Variants in SLCO2A1 observed in about 807,000 individuals in gnomAD.
SLCO2A1 encodes matrin F/G 1.
In SLCO2A1, 60 loss-of-function variants were observed where a neutral mutation model predicts 71.7. The ratio of observed to expected loss-of-function variants is 0.84; its 90% CI spans 0.68 to 1.04. SLCO2A1 has a LOEUF of 1.04. Ranked by LOEUF, SLCO2A1 falls within the 50% of genes least tolerant of loss-of-function variation. The probability of loss-of-function intolerance (pLI) is 0.00; values close to 1 mark genes in which losing one functional copy is unlikely to be tolerated. For synonymous variants in SLCO2A1, 308 were observed against 326.7 expected, an observed-to-expected ratio of 0.94 and a Z score of 0.62; for missense variants, 745 against 813.4, an observed-to-expected ratio of 0.92 and a Z score of 1.02.
Position 133,955,126 on chromosome 3 carries a change from G to T in SLCO2A1, c.465C>A (p.Cys155Ter). Residue 155 changes from cysteine (C) to a stop codon, truncating the protein, a stop_gained, in exon 4 of 14, where the codon TGC becomes TGA. Transcript: ENST00000310926. LOFTEE classifies it high-confidence loss of function. ...TCTGGGGGTTCTGGGTGGTGCTGTGGCACTTACTGGGAGGCAGGTCCTGCC... is the reference window on the plus strand; with the variant it reads ...TCTGGGGGTTCTGGGTGGTGCTGTGTCACTTACTGGGAGGCAGGTCCTGCC... ...KHWQDLPPSK[C>*]HSTTQNPQKE... 1 of 1,614,176 alleles carries T rather than the reference G, an allele frequency of 6.2e-7. No homozygotes were observed. The highest frequency in any genetic ancestry group is 8.5e-7 in the Non-Finnish European group (1 of 1,180,032).
intron 3 of SLCO2A1, among the ~76,000 whole-genome samples, chr3:133,960,287 A>T (rs1934006516): frequency 6.6e-6 from 1 of 152,218 alleles, no homozygotes; most frequent in Non-Finnish European, 1.5e-5. Flanking sequence ...CCTGATAGCC[A>T]AAAGTTAGAA....
At chr3:133,952,884 C>T (rs985695114) in intron 5 of SLCO2A1, among the ~76,000 whole-genome samples, 1 of 152,130 alleles carries the variant, frequency 6.6e-6, no homozygotes, top group African/African-American at 2.4e-5. Context: ...GCAGTCCCGT[C>T]CCAGCGCCCA....
At chr3:133,941,423 T>C (rs896817669) in intron 11 of SLCO2A1, among the ~76,000 whole-genome samples, 1 of 152,130 alleles carries the variant, frequency 6.6e-6, no homozygotes, top group Non-Finnish European at 1.5e-5. Context: ...TGAGGCTCAA[T>C]GAGGTTAGGC....
chr3:133,971,774 A>G (rs1313084736), intron 3 of SLCO2A1, among the ~76,000 whole-genome samples: 2 of 152,228 alleles, frequency 1.3e-5, no homozygotes, highest in African/African-American at 4.8e-5. Context: ...ACAAATGTCT[A>G]TCACAAAACC....
chr3:133,973,777 C>T lies in SLCO2A1; in HGVS notation c.283G>A (p.Val95Met), dbSNP rs147868807. 19 of 1,613,852 alleles carry T rather than the reference C, an allele frequency of 1.2e-5. No homozygotes were observed. Among genetic ancestry groups the T allele is most frequent in the South Asian group, 4.4e-5 (4 of 91,006 alleles). Residue 95 changes from valine to methionine, a missense_variant, in exon 3 of 14, where the codon GTG becomes ATG. Val to Met is a conservative substitution (Grantham distance 21). Coordinates refer to ENST00000310926, the MANE Select transcript of SLCO2A1 (RefSeq NM_005630.3). ...ATGCCAATCAGACGTGGACGGTGCA[C>T]CCGGCTGCCAAAGTAGCTGACAAAG... ...IIFVSYFGSR[V>M]HRPRLIGIGG...
At chr3:133,985,000 G>T (rs1576447143) in intron 1 of SLCO2A1, among the ~76,000 whole-genome samples, 1 of 152,160 alleles carries the variant, frequency 6.6e-6, no homozygotes, top group East Asian at 1.9e-4. Flanking sequence ...CCCACACCTT[G>T]CCTGGTGAGT....
At chr3:133,962,282 G>A (rs1184046334) in intron 3 of SLCO2A1, among the ~76,000 whole-genome samples, 1 of 152,078 alleles carries the variant, frequency 6.6e-6, no homozygotes. Flanking sequence ...GTTTCACCAT[G>A]TTGGCCAGGC....
intron 3 of SLCO2A1, among the ~76,000 whole-genome samples, chr3:133,956,429 G>C (rs900169229): frequency 2.0e-5 from 3 of 152,190 alleles, no homozygotes; most frequent in African/African-American, 7.2e-5. Context: ...TGTCTATGCA[G>C]GACACATTAG....
chr3:134,024,652 G>A (rs1935661145), intron 1 of SLCO2A1, among the ~76,000 whole-genome samples: 1 of 152,164 alleles, frequency 6.6e-6, no homozygotes, highest in Admixed American at 6.5e-5. Context: ...CCAGGTTTAA[G>A]GGCCCTAGCA....
rs541536017 is a variant in SLCO2A1 at position 134,025,095 on chromosome 3, G to A, written c.96+4612C>T. On this transcript the variant is annotated intron_variant, in intron 1 of 13. Transcript: ENST00000310926. ...CCCGGAAGCTGACTGGTCCATGCAC[G>A]GCCGAAGCATGAGAAAACTCATTGC... Among the ~76,000 whole-genome samples, 8 of 152,206 alleles carry A rather than the reference G, an allele frequency of 5.3e-5. No individual in the cohort carries two copies. The South Asian group carries it at 1.2e-3, about 24-fold the overall frequency.
At chr3:133,961,192 T>C (rs919814302) in intron 3 of SLCO2A1, among the ~76,000 whole-genome samples, 1 of 151,912 alleles carries the variant, frequency 6.6e-6, no homozygotes, top group Non-Finnish European at 1.5e-5. Flanking sequence ...GGAGGGGAGT[T>C]GATTCCATCA....
At chr3:133,965,128 G>GA (rs966609829) in intron 3 of SLCO2A1, among the ~76,000 whole-genome samples, 114 of 150,846 alleles carry the variant, frequency 7.6e-4, no homozygotes, top group African/African-American at 2.3e-3. Context: ...TTTAAAGGGG[G>GA]AAAAAAAAAC....
chr3:133,936,343 A>G (rs1559926805), intron 12 of SLCO2A1, among the ~76,000 whole-genome samples: 1 of 152,184 alleles, frequency 6.6e-6, no homozygotes, highest in Non-Finnish European at 1.5e-5. Flanking sequence ...CACAGCCAAG[A>G]GAAGTCAAGG....
chr3:133,948,462 T>C, intron 8 of SLCO2A1, 74 bp downstream of exon 8: 1 of 1,508,052 alleles, frequency 6.6e-7, no homozygotes, highest in Non-Finnish European at 9.0e-7. Context: ...CGCCCATCCC[T>C]GGATGGGTGG....
chr3:133,965,612 G>A (rs1934145815), intron 3 of SLCO2A1, among the ~76,000 whole-genome samples: 1 of 152,190 alleles, frequency 6.6e-6, no homozygotes, highest in South Asian at 2.1e-4. Flanking sequence ...TAGCTTCAAG[G>A]AATTCAGCTA....
chr3:134,014,931 A>G (rs1447470756), intron 1 of SLCO2A1, among the ~76,000 whole-genome samples: 1 of 152,110 alleles, frequency 6.6e-6, no homozygotes, highest in Non-Finnish European at 1.5e-5. Context: ...ACTTCAAGGG[A>G]AAAAACATAC....
chr3:133,989,395 G>C (rs915995739), intron 1 of SLCO2A1, among the ~76,000 whole-genome samples: 1 of 152,118 alleles, frequency 6.6e-6, no homozygotes, highest in South Asian at 2.1e-4. Flanking sequence ...TCATAGTCAA[G>C]ACCCTCCAGT....
Position 133,955,054 on chromosome 3 carries a change from C to T in SLCO2A1, c.537G>A (p.Leu179=), listed in dbSNP as rs368855180. 48 of 1,614,076 alleles carry T rather than the reference C, an allele frequency of 3.0e-5. No individual in the cohort carries two copies. The highest frequency in any genetic ancestry group is 1.6e-4 in the Middle Eastern group (1 of 6,084). ...GAATAGGCACTGTCCCGATGCCAGC[C>T]AGCAGCTGGGCAACCACCATCAGGC... The part of the protein sequence containing the change: ...MWGLMVVAQL[L]AGIGTVPIQP... Residue 179 remains leucine (L), a synonymous_variant, in exon 4 of 14, where the codon CTG becomes CTA. Coordinates refer to ENST00000310926, the MANE Select transcript of SLCO2A1 (RefSeq NM_005630.3).
intron 1 of SLCO2A1, among the ~76,000 whole-genome samples, chr3:133,997,565 G>A (rs1212747878): frequency 6.6e-6 from 1 of 152,184 alleles, no homozygotes; most frequent in African/African-American, 2.4e-5. Context: ...TGCAAGCCAA[G>A]GAACACCACA....
Sources: allele counts gnomAD v4.1 joint callset (sites outside exome capture counted in the v4.1 genomes callset), GRCh38; gene constraint gnomAD v4.1.1; transcripts MANE v1.5; gene names NCBI Gene and HGNC (gene_info 2026-07-23, HGNC 2026-07-21).